The following PEBP1 variants were observed in gnomAD, a reference collection of about 807,000 sequenced individuals.
PEBP1 encodes phosphatidylethanolamine-binding protein 1.
A neutral mutation model predicts 22.7 loss-of-function variants in PEBP1; 17 were observed. That is an observed-to-expected ratio of 0.75 (90% CI 0.51 to 1.12). PEBP1 has a LOEUF of 1.12. Ranked by LOEUF, PEBP1 falls within the 50% of genes most tolerant of loss-of-function variation. PEBP1 has a pLI of 0.00. For synonymous variants in PEBP1, 106 were observed against 104.3 expected (o/e 1.02, Z -0.10); for missense variants, 205 against 243.5 (o/e 0.84, Z 1.05).
In PEBP1 at chr12:118,145,177, A is replaced by AG; in HGVS notation, c.*374_*375insG. On this transcript the variant is annotated 3_prime_UTR_variant, in exon 4 of 4. Coordinates refer to ENST00000261313, the MANE Select transcript of PEBP1 (RefSeq NM_002567.4). Reference sequence around the variant, plus strand: ...ATCTTTAAGGGAGGTTTAAAAAAAAAAAAAAAAAAAAAGATTGGTTGCCTC... The same window carrying AG: ...ATCTTTAAGGGAGGTTTAAAAAAAAAGAAAAAAAAAAAAGATTGGTTGCCTC... The AG allele has an allele frequency of 4.4e-5, 17 of 385,618 alleles. No individual in the cohort carries two copies. The highest frequency in any genetic ancestry group is 3.1e-4 in the South Asian group (14 of 45,474). 23.9% of individuals were successfully genotyped at this position (385,618 alleles called of 1,614,324 possible). A position where few individuals can be genotyped will look rare whatever the true frequency, so the allele number is the denominator to read the frequency against.
chr12:118,140,428 A>G (rs991126682), intron 3 of PEBP1, among the ~76,000 whole-genome samples: 15 of 152,292 alleles, frequency 9.8e-5, no homozygotes, highest in Non-Finnish European at 2.2e-4. Context: ...TGGTAAAGGG[A>G]CAGATTTCCC....
At chr12:118,139,411 G>A in intron 2 of PEBP1, 40 bp from the exon 3 acceptor site, 1 of 1,407,972 alleles carries the variant, frequency 7.1e-7, no homozygotes, top group Non-Finnish European at 1.0e-6. Context: ...AATGTTCCCT[G>A]ATCTCCTGTG....
Position 118,145,084 on chromosome 12 carries a change from G to C in PEBP1, c.*281G>C. On this transcript the variant is annotated 3_prime_UTR_variant, in exon 4 of 4. Coordinates refer to ENST00000261313, the MANE Select transcript of PEBP1 (RefSeq NM_002567.4). The stretch of plus-strand genomic sequence containing the variant: ...TTATTAATCTGAAAATAGCAACCCA[G>C]AATGTAAAAAAGAAAAAACTGGGGG... 8.4e-7 allele frequency: 1 copy of C among 1,190,938 alleles called. No individual in the cohort carries two copies. The highest frequency in any genetic ancestry group is 1.3e-5 in the South Asian group (1 of 76,234). The allele number at this position is 1,190,938 out of a possible 1,614,324, so 73.8% of individuals were successfully genotyped here.
chr12:118,144,851 T>C lies in PEBP1; in HGVS notation c.*48T>C, dbSNP rs777308603. ...CTGTCCTGGAGGCCCCAAGCCATGTTCCCCAGTTCAGTGTTGCATGTATAA... is the reference window on the plus strand; with the variant it reads ...CTGTCCTGGAGGCCCCAAGCCATGTCCCCCAGTTCAGTGTTGCATGTATAA... On this transcript the variant is annotated 3_prime_UTR_variant, in exon 4 of 4. Transcript: ENST00000261313. 2.5e-5 allele frequency: 41 copies of C among 1,611,754 alleles called. 1 individual carries two copies. In the South Asian group the frequency reaches 4.2e-4, roughly 16 times the overall value.
At chr12:118,144,540 C>T (rs1310522276) in intron 3 of PEBP1, 46 bp from the exon 4 acceptor site, 2 of 1,553,388 alleles carry the variant, frequency 1.3e-6, no homozygotes, top group Middle Eastern at 3.4e-4. Context: ...GTCCCCATCT[C>T]AAGTGCTGGG....
chr12:118,143,632 G>A (rs1382375481), intron 3 of PEBP1, among the ~76,000 whole-genome samples: 1 of 152,152 alleles, frequency 6.6e-6, no homozygotes, highest in East Asian at 1.9e-4. Context: ...GGGTGCAGTG[G>A]CTCACAGCTG....
chr12:118,142,116 A>C (rs1405985532), intron 3 of PEBP1, among the ~76,000 whole-genome samples: 1 of 151,666 alleles, frequency 6.6e-6, no homozygotes, highest in East Asian at 1.9e-4. Flanking sequence ...GTACAATTCT[A>C]TGAGATACCT....
At position 118,145,190 on chromosome 12, in the gene PEBP1, G is replaced by C; in HGVS notation, c.*387G>C. On this transcript the variant is annotated 3_prime_UTR_variant, in exon 4 of 4. Coordinates refer to ENST00000261313, the MANE Select transcript of PEBP1 (RefSeq NM_002567.4). Reference sequence around the variant, plus strand: ...GTTTAAAAAAAAAAAAAAAAAAAAAGATTGGTTGCCTCTGCCTTTGTGATC... The same window carrying C: ...GTTTAAAAAAAAAAAAAAAAAAAAACATTGGTTGCCTCTGCCTTTGTGATC... 1 of 354,142 alleles carries C rather than the reference G, an allele frequency of 2.8e-6. No homozygotes were observed. The highest frequency in any genetic ancestry group is 5.2e-6 in the Non-Finnish European group (1 of 193,684). The allele number at this position is 354,142 out of a possible 1,614,324, so 21.9% of individuals were successfully genotyped here. A position where few individuals can be genotyped will look rare whatever the true frequency, so the allele number is the denominator to read the frequency against.
chr12:118,144,599 T>C lies in PEBP1; in HGVS notation c.360T>C (p.Tyr120=), dbSNP rs775291216. 4 of 1,613,292 alleles carry C rather than the reference T, an allele frequency of 2.5e-6. No homozygotes were observed. The African/African-American group carries it at 5.3e-5, about 22-fold the overall frequency. ...GPPKGTGLHR[Y]VWLVYEQDRP... is the part of the protein sequence containing the mutation. ...CTCTCCCCACAGGCCTCCACCGCTA[T>C]GTCTGGCTGGTTTACGAGCAGGACA... The change falls in exon 4 of 4, where the codon TAT becomes TAC. Residue 120 remains tyrosine, a synonymous_variant. Coordinates refer to ENST00000261313, the MANE Select transcript of PEBP1 (RefSeq NM_002567.4).
At position 118,138,956 on chromosome 12, in the gene PEBP1, C is replaced by T. The variant is rs1441214864; in HGVS notation, c.246-495C>T. 3 of 151,900 alleles carry T rather than the reference C, an allele frequency of 2.0e-5. No homozygotes were observed. In the South Asian group the frequency reaches 5.9e-4, roughly 30 times the overall value. The allele number at this position is 151,900 out of a possible 1,614,324, so 9.4% of individuals were successfully genotyped here. ...TGCTGACCTTTGCTCTAGAAAATGT[C>T]AGAGGGTGGGAGGGGCTGGGTCTGC... On this transcript the variant is annotated intron_variant, in intron 2 of 3. Transcript: ENST00000261313.
chr12:118,137,950 G>A (rs898892084), intron 1 of PEBP1, 89 bp from the exon 2 acceptor site: 15 of 841,652 alleles, frequency 1.8e-5, no homozygotes, highest in Non-Finnish European at 2.6e-5. Flanking sequence ...GCCTCCCAAA[G>A]TGCTGGGATT....
intron 3 of PEBP1, among the ~76,000 whole-genome samples, chr12:118,141,363 C>T (rs1405705831): frequency 6.6e-6 from 1 of 152,186 alleles, no homozygotes; most frequent in Non-Finnish European, 1.5e-5. Context: ...GATCCGCCCG[C>T]CTTGGCCTCC....
At chr12:118,138,780 T>C (rs1286896115) in intron 2 of PEBP1, among the ~76,000 whole-genome samples, 1 of 152,170 alleles carries the variant, frequency 6.6e-6, no homozygotes, top group East Asian at 1.9e-4. Flanking sequence ...AATTTACCTG[T>C]CAGTGTCCAT....
chr12:118,140,973 A>G (rs1308562370), intron 3 of PEBP1, among the ~76,000 whole-genome samples: 1 of 152,144 alleles, frequency 6.6e-6, no homozygotes, highest in African/African-American at 2.4e-5. Context: ...AATGTGATCA[A>G]TGCATACACC....
Position 118,138,036 on chromosome 12 carries a change from C to T in PEBP1, c.136-3C>T, listed in dbSNP as rs764809509. On this transcript the variant is annotated splice_polypyrimidine_tract_variant and splice_region_variant and intron_variant, in intron 1 of 3. Transcript: ENST00000261313. ...TTTACTGCAAACTGGTTCCTTCATACAGGTTAAGAATAGACCCACCAGCAT... is the reference window on the plus strand; with the variant it reads ...TTTACTGCAAACTGGTTCCTTCATATAGGTTAAGAATAGACCCACCAGCAT... 6.2e-7 allele frequency: 1 copy of T among 1,607,130 alleles called. No homozygotes were observed. Among genetic ancestry groups the T allele is most frequent in the Non-Finnish European group, 8.5e-7 (1 of 1,174,476 alleles).
chr12:118,143,839 A>T (rs2034132956), intron 3 of PEBP1, among the ~76,000 whole-genome samples: 1 of 146,768 alleles, frequency 6.8e-6, no homozygotes. Context: ...CAGGAGGCTG[A>T]GGTTGTAGTG....
At chr12:118,137,346 T>G (rs1344488980) in intron 1 of PEBP1, among the ~76,000 whole-genome samples, 1 of 152,136 alleles carries the variant, frequency 6.6e-6, no homozygotes, top group African/African-American at 2.4e-5. Context: ...TTGTTGGGAC[T>G]GAAATAATAT....
At position 118,145,104 on chromosome 12, in the gene PEBP1, T is replaced by G. The variant is rs2034145927; in HGVS notation, c.*301T>G. ...ACCCAGAATGTAAAAAAGAAAAAAC[T>G]GGGGGGAAAAAGACCAGGTCTACAG... On this transcript the variant is annotated 3_prime_UTR_variant, in exon 4 of 4. Coordinates refer to ENST00000261313, the MANE Select transcript of PEBP1 (RefSeq NM_002567.4). 5.4e-6 allele frequency: 5 copies of G among 933,410 alleles called. No homozygotes were observed. The highest frequency in any genetic ancestry group is 5.2e-5 in the East Asian group (1 of 19,198). The allele number at this position is 933,410 out of a possible 1,614,324, so 57.8% of individuals were successfully genotyped here. A position where few individuals can be genotyped will look rare whatever the true frequency, so the allele number is the denominator to read the frequency against.
rs148806217 is a variant in PEBP1 at position 118,144,513 on chromosome 12, C to T, written c.347-73C>T. 2,086 of 1,437,274 alleles carry T rather than the reference C, an allele frequency of 1.5e-3. 4 individuals carry two copies. Among genetic ancestry groups the T allele is most frequent in the African/African-American group, 4.2e-3 (295 of 70,974 alleles). The allele number at this position is 1,437,274 out of a possible 1,614,324, so 89.0% of individuals were successfully genotyped here. Reference sequence around the variant, plus strand: ...CTGGGTGCCTCCATGTTGAAACATTCGATAAAAATGGATGATGTCCCCATC... The same window carrying T: ...CTGGGTGCCTCCATGTTGAAACATTTGATAAAAATGGATGATGTCCCCATC... On this transcript the variant is annotated intron_variant, in intron 3 of 3. Coordinates refer to ENST00000261313, the MANE Select transcript of PEBP1 (RefSeq NM_002567.4).
Sources: gnomAD v4.1 joint callset for allele counts (sites outside exome capture counted in the v4.1 genomes callset) on GRCh38, gnomAD v4.1.1 for gene constraint, MANE v1.5 for transcripts, NCBI Gene and HGNC (gene_info 2026-07-23, HGNC 2026-07-21) for gene names.